The following DLG5 variants were observed in gnomAD, a reference collection of about 807,000 sequenced individuals.
DLG5 encodes disks large homolog 5.
DLG5 carries 48 observed loss-of-function variants against 189.8 expected under a neutral mutation model. The ratio of observed to expected loss-of-function variants is 0.25; its 90% CI spans 0.20 to 0.32. DLG5 has a LOEUF of 0.32. DLG5 is among the 10% of genes least tolerant of loss of function. DLG5 has a pLI of 1.00. For missense variants in DLG5, 2,160 were observed against 2,544.7 expected (o/e 0.85, Z 3.25); for synonymous variants, 1,016 against 1,054.1 (o/e 0.96, Z 0.70).
At chr10:77,905,909 C>A (rs4979798) in intron 1 of DLG5, among the ~76,000 whole-genome samples, 34 of 152,330 alleles carry the variant, frequency 2.2e-4, no homozygotes, top group Admixed American at 7.8e-4. Flanking sequence ...TAGCACTGCA[C>A]CATCCATGCT....
chr10:77,900,806 G>A (rs986441377), intron 1 of DLG5, among the ~76,000 whole-genome samples: 5 of 152,214 alleles, frequency 3.3e-5, no homozygotes, highest in East Asian at 1.9e-4. Context: ...GTGATGACAT[G>A]AGCCTGTAAT....
At chr10:77,901,884 C>T (rs958166017) in intron 1 of DLG5, among the ~76,000 whole-genome samples, 1 of 152,218 alleles carries the variant, frequency 6.6e-6, no homozygotes, top group Non-Finnish European at 1.5e-5. Context: ...CTGGCCCAGC[C>T]AGAAAGCCAA....
chr10:77,914,837 C>T (rs1466263548), intron 1 of DLG5, among the ~76,000 whole-genome samples: 6 of 152,220 alleles, frequency 3.9e-5, no homozygotes, highest in Non-Finnish European at 7.3e-5. Flanking sequence ...CTCCCAGAAA[C>T]CCCAACTGTG....
Position 77,803,117 on chromosome 10 carries a change from A to G in DLG5, c.5164+2548T>C, listed in dbSNP as rs74140346. Among the ~76,000 whole-genome samples the G allele has an allele frequency of 3.7e-3, 569 of 152,348 alleles. 5 individuals are homozygous for G. The highest frequency in any genetic ancestry group is 0.013 in the African/African-American group (548 of 41,574). On this transcript the variant is annotated intron_variant, in intron 27 of 31. Coordinates refer to ENST00000372391, the MANE Select transcript of DLG5 (RefSeq NM_004747.4). ...ACACTAGTGGATGTGAGAGGATAAC[A>G]GTAGATGATATAGGGGCAGAATAAA...
chr10:77,824,989 T>C (rs943018911), intron 13 of DLG5, among the ~76,000 whole-genome samples: 2 of 152,218 alleles, frequency 1.3e-5, no homozygotes, highest in South Asian at 2.1e-4. Flanking sequence ...CACAGCTATG[T>C]GCAGACCTTC....
chr10:77,847,665 C>T (rs546950743), intron 5 of DLG5, among the ~76,000 whole-genome samples: 6 of 152,096 alleles, frequency 3.9e-5, no homozygotes, highest in African/African-American at 7.2e-5. Context: ...CACACGAGTG[C>T]GCACACACAC....
intron 7 of DLG5, among the ~76,000 whole-genome samples, chr10:77,838,599 G>C (rs953693361): frequency 1.3e-5 from 2 of 152,228 alleles, no homozygotes; most frequent in African/African-American, 4.8e-5. Flanking sequence ...AGAGGGCATA[G>C]AGAAGGAAAG....
intron 5 of DLG5, chr10:77,846,756 C>T: frequency 2.2e-6 from 1 of 456,030 alleles, no homozygotes; most frequent in South Asian, 1.5e-5. Flanking sequence ...CAAGTGAGAA[C>T]CCCATTGGCT....
intron 2 of DLG5, among the ~76,000 whole-genome samples, chr10:77,867,447 A>G (rs1844727893): frequency 6.6e-6 from 1 of 152,198 alleles, no homozygotes; most frequent in Non-Finnish European, 1.5e-5. Flanking sequence ...TTCCCCATCT[A>G]CTGATCCTGA....
chr10:77,837,214 C>CAAAA (rs10531052), intron 7 of DLG5, among the ~76,000 whole-genome samples: 2 of 69,712 alleles, frequency 2.9e-5, no homozygotes, highest in South Asian at 6.0e-4. Flanking sequence ...GACTCGGTCT[C>CAAAA]AAAAAAAAAA....
At chr10:77,863,143 G>A (rs1178307485) in intron 2 of DLG5, among the ~76,000 whole-genome samples, 10 of 152,140 alleles carry the variant, frequency 6.6e-5, no homozygotes, top group Admixed American at 6.5e-4. Flanking sequence ...CCAGGCTAGA[G>A]TGCAGTGACA....
chr10:77,837,071 C>T (rs1381093951), intron 7 of DLG5, among the ~76,000 whole-genome samples: 1 of 151,666 alleles, frequency 6.6e-6, no homozygotes, highest in Non-Finnish European at 1.5e-5. Flanking sequence ...AAAAATTAGC[C>T]AGACATGGTG....
At chr10:77,919,257 C>T (rs1026877458) in intron 1 of DLG5, among the ~76,000 whole-genome samples, 3 of 152,024 alleles carry the variant, frequency 2.0e-5, no homozygotes, top group African/African-American at 7.2e-5. Flanking sequence ...AAATATTTAT[C>T]CTACTCTGCT....
In DLG5 at chr10:77,902,862, AAAATAAATAAAAAAAT is replaced by A. The variant is rs1183740517; in HGVS notation, c.304+23339_304+23354del. On this transcript the variant is annotated intron_variant, in intron 1 of 31. Transcript: ENST00000372391. Reference sequence around the variant, plus strand: ...GCGACAGAGCGAGACTCCATCTCAAAAAATAAATAAAAAAATAAATAAATAAATAAATAAATAAATA... The same window carrying A: ...GCGACAGAGCGAGACTCCATCTCAAAAAATAAATAAATAAATAAATAAATA... 2.9e-4 allele frequency among the ~76,000 whole-genome samples: 33 copies of A among 112,864 alleles called. 3 individuals are homozygous for A. The highest frequency in any genetic ancestry group is 2.5e-3 in the East Asian group (7 of 2,784). The allele number at this position is 112,864 out of a possible 152,430, so 74.0% of individuals were successfully genotyped here.
At chr10:77,935,739 G>A in the DLG5 span, among the ~76,000 whole-genome samples, 6 of 152,192 alleles carry the variant, frequency 3.9e-5, no homozygotes, top group African/African-American at 1.4e-4. Flanking sequence ...ACCATTTCCA[G>A]GTGCCTGTGG....
intron 1 of DLG5, among the ~76,000 whole-genome samples, chr10:77,920,948 C>A (rs1303528681): frequency 1.3e-5 from 2 of 152,164 alleles, no homozygotes; most frequent in African/African-American, 2.4e-5. Flanking sequence ...AATAAAGGTA[C>A]CCTGAAATGA....
At chr10:77,914,207 C>T (rs928208975) in intron 1 of DLG5, among the ~76,000 whole-genome samples, 19 of 152,198 alleles carry the variant, frequency 1.2e-4, no homozygotes, top group Admixed American at 2.0e-4. Context: ...GTCTTTTGAG[C>T]AGCCCAGAGA....
At chr10:77,940,548 G>T in the DLG5 span, among the ~76,000 whole-genome samples, 1 of 152,120 alleles carries the variant, frequency 6.6e-6, no homozygotes, top group Admixed American at 6.5e-5. Flanking sequence ...TCTGATCTCA[G>T]TTCAGCTGCC....
intron 1 of DLG5, among the ~76,000 whole-genome samples, chr10:77,895,383 AAG>A (rs938340525): frequency 6.6e-6 from 1 of 152,212 alleles, no homozygotes; most frequent in African/African-American, 2.4e-5. Context: ...AAAAGGGGAA[AAG>A]AGAGAAAAAG....
Sources: allele counts gnomAD v4.1 joint callset (sites outside exome capture counted in the v4.1 genomes callset), GRCh38; gene constraint gnomAD v4.1.1; transcripts MANE v1.5; gene names NCBI Gene and HGNC (gene_info 2026-07-23, HGNC 2026-07-21).